Variants in OVCH1 observed in about 807,000 individuals in gnomAD.
The protein encoded by OVCH1 is ovochymase 1, also known as ovochymase-1.
A neutral mutation model predicts 138.4 loss-of-function variants in OVCH1; 139 were observed. The observed-to-expected ratio is 1.00, with a 90% CI of 0.87 to 1.16. The LOEUF (loss-of-function observed/expected upper bound fraction) is 1.16, where lower values mean the gene tolerates loss of function less well. Ranked by LOEUF, OVCH1 falls within the 50% of genes most tolerant of loss-of-function variation. OVCH1 has a pLI of 0.00. For missense variants in OVCH1, 1,367 were observed against 1,357.9 expected (o/e 1.01, Z -0.11); for synonymous variants, 453 against 467.8 (o/e 0.97, Z 0.41).
intron 3 of OVCH1, among the ~76,000 whole-genome samples, chr12:29,417,868 G>A (rs74670868): frequency 6.6e-6 from 1 of 151,902 alleles, no homozygotes; most frequent in African/African-American, 2.4e-5. Context: ...TGTTCTAAAC[G>A]TTCTTGCTGA....
chr12:29,486,079 G>A (rs927733226), intron 8 of OVCH1, among the ~76,000 whole-genome samples, 171 bp downstream of exon 8: 1 of 152,086 alleles, frequency 6.6e-6, no homozygotes, highest in Non-Finnish European at 1.5e-5. Flanking sequence ...AGATGCCAGG[G>A]TCAGGTTTTA....
intron 19 of OVCH1, among the ~76,000 whole-genome samples, chr12:29,455,680 C>G (rs1274532547): frequency 6.6e-6 from 1 of 152,090 alleles, no homozygotes; most frequent in African/African-American, 2.4e-5. Flanking sequence ...CTTCCCAGCC[C>G]CATCGGAGGG....
intron 3 of OVCH1, among the ~76,000 whole-genome samples, chr12:29,418,335 AT>A (rs1483421801): frequency 1.3e-5 from 2 of 152,224 alleles, no homozygotes; most frequent in Non-Finnish European, 2.9e-5. Flanking sequence ...CATGCTTCAA[AT>A]TCCTAAGTAT....
intron 8 of OVCH1, among the ~76,000 whole-genome samples, chr12:29,480,807 A>T (rs1324340715): frequency 6.6e-6 from 1 of 152,140 alleles, no homozygotes; most frequent in Non-Finnish European, 1.5e-5. Flanking sequence ...ATGATTTCCT[A>T]GTTAGCTCCA....
At chr12:29,477,467 C>T in exon 11 of OVCH1, 1 of 1,613,932 alleles carries the variant, frequency 6.2e-7, no homozygotes, top group Non-Finnish European at 8.5e-7. Flanking sequence ...AATATTTTTC[C>T]ACAGACCTTA....
At chr12:29,433,072 G>A (rs1239336429) in intron 27 of OVCH1, among the ~76,000 whole-genome samples, 4 of 152,154 alleles carry the variant, frequency 2.6e-5, no homozygotes, top group Non-Finnish European at 5.9e-5. Context: ...AGAAATCCAA[G>A]TTTTCCTTGA....
intron 25 of OVCH1, chr12:29,439,463 CAAACAAACAAA>C (rs1592039750): frequency 5.8e-6 from 8 of 1,388,866 alleles, no homozygotes; most frequent in Non-Finnish European, 6.6e-6. Flanking sequence ...AACAAACAAA[CAAACAAACAAA>C]AAACAAAAAG....
intron 4 of OVCH1, chr12:29,412,578 C>G (rs1000459767): frequency 6.6e-6 from 1 of 152,164 alleles, no homozygotes; most frequent in Non-Finnish European, 1.5e-5. Context: ...ACTTAGATGT[C>G]ACATATATTT....
chr12:29,406,965 CTGT>C, the OVCH1 span, among the ~76,000 whole-genome samples: 2 of 147,516 alleles, frequency 1.4e-5, no homozygotes, highest in Non-Finnish European at 3.0e-5. Flanking sequence ...TCTCCAGCAC[CTGT>C]TGTTTCCTGA....
At chr12:29,451,142 G>A (rs1941780509) in intron 22 of OVCH1, among the ~76,000 whole-genome samples, 1 of 151,816 alleles carries the variant, frequency 6.6e-6, no homozygotes, top group East Asian at 1.9e-4. Flanking sequence ...TTCTGCACAT[G>A]TAACCCAGAA....
intron 19 of OVCH1, among the ~76,000 whole-genome samples, chr12:29,455,827 T>A (rs1429757392): frequency 6.6e-6 from 1 of 152,116 alleles, no homozygotes; most frequent in African/African-American, 2.4e-5. Context: ...TGCCTGTTTT[T>A]TTCTTTTTTT....
rs1942271713 is a variant in OVCH1 at position 29,465,129 on chromosome 12, G to GT, written c.1929+17dup. ...ATTTAGATTACAGGCAGAATGACCT[G>GT]TAAAAACATTTTTTCACCTGCTCTG... On this transcript the variant is annotated intron_variant, in intron 17 of 27. Transcript: ENST00000318184. 1.9e-6 allele frequency: 3 copies of GT among 1,582,508 alleles called. No homozygotes were observed. Among genetic ancestry groups the GT allele is most frequent in the African/African-American group, 2.7e-5 (2 of 74,320 alleles).
chr12:29,469,715 T>TAA (rs111496328), intron 16 of OVCH1, among the ~76,000 whole-genome samples: 1,650 of 147,982 alleles, frequency 0.011, 25 homozygotes, highest in East Asian at 0.084. Flanking sequence ...CCCCGTGTCT[T>TAA]AAAAAAAAAA....
In OVCH1 at chr12:29,466,300, C is replaced by G. The variant is rs1053505713; in HGVS notation, c.1857-1081G>C. Among the ~76,000 whole-genome samples, 3 of 142,890 alleles carry G rather than the reference C, an allele frequency of 2.1e-5. No individual in the cohort carries two copies. The South Asian group carries it at 6.7e-4, about 32-fold the overall frequency. 93.7% of individuals were successfully genotyped at this position (142,890 alleles called of 152,430 possible). ...AAGAGAAAATACGTTTCTCTTAATACTGTATTTATCTCAGTACTGTATTTA... is the reference window on the plus strand; with the variant it reads ...AAGAGAAAATACGTTTCTCTTAATAGTGTATTTATCTCAGTACTGTATTTA... On this transcript the variant is annotated intron_variant, in intron 16 of 27. Transcript: ENST00000318184.
At chr12:29,460,492 TG>T (rs1353793852) in intron 19 of OVCH1, among the ~76,000 whole-genome samples, 1 of 152,150 alleles carries the variant, frequency 6.6e-6, no homozygotes, top group South Asian at 2.1e-4. Flanking sequence ...GCTCTGTGCC[TG>T]GGGTCTTCCC....
intron 27 of OVCH1, among the ~76,000 whole-genome samples, chr12:29,432,055 T>G (rs755504140): frequency 3.9e-5 from 6 of 152,190 alleles, no homozygotes; most frequent in Admixed American, 6.5e-5. Flanking sequence ...TTCAGGGATA[T>G]AGCAGAGGGC....
chr12:29,417,112 T>C (rs918625931), intron 3 of OVCH1, among the ~76,000 whole-genome samples: 1 of 152,174 alleles, frequency 6.6e-6, no homozygotes, highest in East Asian at 1.9e-4. Flanking sequence ...GATTAAATAC[T>C]CTTGAAATAA....
chr12:29,469,852 CAG>C (rs1412363867), intron 16 of OVCH1, among the ~76,000 whole-genome samples: 6 of 152,108 alleles, frequency 3.9e-5, no homozygotes, highest in African/African-American at 1.4e-4. Flanking sequence ...CAGTCTGTGA[CAG>C]AGAGACTGGT....
chr12:29,404,831 G>C, the OVCH1 span, among the ~76,000 whole-genome samples: 1 of 151,694 alleles, frequency 6.6e-6, no homozygotes, highest in Non-Finnish European at 1.5e-5. Flanking sequence ...GACCAGTCTG[G>C]CCAACATAGG....
Sources: gnomAD v4.1 joint callset for allele counts (sites outside exome capture counted in the v4.1 genomes callset) on GRCh38, gnomAD v4.1.1 for gene constraint, MANE v1.5 for transcripts, NCBI Gene and HGNC (gene_info 2026-07-23, HGNC 2026-07-21) for gene names.